The following PLPPR1 variants were observed in gnomAD, a reference collection of about 807,000 sequenced individuals.
PLPPR1 encodes phospholipid phosphatase-related protein type 1.
In PLPPR1, 10 loss-of-function variants were observed where a neutral mutation model predicts 33.1. The observed-to-expected ratio is 0.30, with a 90% CI of 0.19 to 0.51. The LOEUF is 0.51. Ranked by LOEUF, PLPPR1 falls within the 20% of genes least tolerant of loss-of-function variation. The pLI, the probability that PLPPR1 is intolerant of heterozygous loss-of-function variation, is 0.97. For missense variants in PLPPR1, 304 were observed against 408.1 expected, an observed-to-expected ratio of 0.74 and a Z score of 2.20; for synonymous variants, 151 against 151.0, an observed-to-expected ratio of 1.00 and a Z score of 0.00.
chr9:101,047,845 A>G (rs551566799), intron 1 of PLPPR1, among the ~76,000 whole-genome samples: 1 of 152,188 alleles, frequency 6.6e-6, no homozygotes, highest in African/African-American at 2.4e-5. Flanking sequence ...CAGCCCTTCA[A>G]TTTTGTTTTC....
intron 1 of PLPPR1, among the ~76,000 whole-genome samples, chr9:101,178,384 C>A (rs1334043344): frequency 6.6e-6 from 1 of 152,146 alleles, no homozygotes; most frequent in East Asian, 1.9e-4. Flanking sequence ...TTATATTGGA[C>A]CTCTTCCATC....
intron 4 of PLPPR1, among the ~76,000 whole-genome samples, chr9:101,302,196 A>G (rs1306196192): frequency 6.6e-6 from 1 of 152,212 alleles, no homozygotes; most frequent in East Asian, 1.9e-4. Context: ...CATGGTGAGC[A>G]TTAGGTGAAC....
chr9:101,160,703 T>G (rs1289965964), intron 1 of PLPPR1, among the ~76,000 whole-genome samples: 1 of 152,126 alleles, frequency 6.6e-6, no homozygotes, highest in Non-Finnish European at 1.5e-5. Context: ...ACTTATAATC[T>G]AATTAGCCAT....
At chr9:101,304,651 CCTATGCATGCT>C (rs1400465551) in intron 4 of PLPPR1, among the ~76,000 whole-genome samples, 13 of 152,180 alleles carry the variant, frequency 8.5e-5, no homozygotes, top group African/African-American at 3.1e-4. Context: ...TGGGGCAAGA[CCTATGCATGCT>C]CTATTCATCA....
At chr9:101,312,102 T>C (rs1451763878) in intron 5 of PLPPR1, among the ~76,000 whole-genome samples, 2 of 151,534 alleles carry the variant, frequency 1.3e-5, no homozygotes, top group East Asian at 3.8e-4. Flanking sequence ...ACCTTTTGTA[T>C]CTTGTGGAAC....
intron 2 of PLPPR1, among the ~76,000 whole-genome samples, chr9:101,238,271 A>G (rs916780856): frequency 7.4e-6 from 1 of 135,988 alleles, no homozygotes; most frequent in South Asian, 2.3e-4. Flanking sequence ...TACACCCTAT[A>G]TATACATCCT....
chr9:101,056,969 A>G (rs1210033745), intron 1 of PLPPR1, among the ~76,000 whole-genome samples: 1 of 152,080 alleles, frequency 6.6e-6, no homozygotes, highest in Non-Finnish European at 1.5e-5. Context: ...CAGGCTACTC[A>G]TTACTCAACC....
intron 1 of PLPPR1, among the ~76,000 whole-genome samples, chr9:101,073,016 C>T (rs138381322): frequency 1.3e-5 from 2 of 152,252 alleles, no homozygotes; most frequent in South Asian, 2.1e-4. Flanking sequence ...AATACACAAA[C>T]TCATATAACT....
intron 2 of PLPPR1, among the ~76,000 whole-genome samples, chr9:101,267,196 T>G (rs773744465): frequency 1.3e-5 from 2 of 152,200 alleles, no homozygotes; most frequent in Non-Finnish European, 2.9e-5. Flanking sequence ...CTGGCTATGT[T>G]CCTTGCCATC....
chr9:101,228,432 A>G (rs1827115876), intron 2 of PLPPR1, among the ~76,000 whole-genome samples: 1 of 152,166 alleles, frequency 6.6e-6, no homozygotes, highest in African/African-American at 2.4e-5. Context: ...CTGTTAATGG[A>G]TGTGATACCT....
chr9:101,094,662 T>C (rs1197701406), intron 1 of PLPPR1, among the ~76,000 whole-genome samples: 1 of 152,212 alleles, frequency 6.6e-6, no homozygotes, highest in Non-Finnish European at 1.5e-5. Flanking sequence ...TATATGGTCG[T>C]TAGTCTATGT....
At chr9:101,111,139 C>T (rs1329083) in intron 1 of PLPPR1, among the ~76,000 whole-genome samples, 9,824 of 151,994 alleles carry the variant, frequency 0.065, 572 homozygotes, top group African/African-American at 0.15. Context: ...ACATGACTAG[C>T]GGTGGGGTAA....
At chr9:101,234,818 T>C (rs1434439115) in intron 2 of PLPPR1, among the ~76,000 whole-genome samples, 1 of 151,966 alleles carries the variant, frequency 6.6e-6, no homozygotes, top group Non-Finnish European at 1.5e-5. Flanking sequence ...TAGTCTGCCT[T>C]CTTATTCTCC....
chr9:101,135,231 A>T (rs1831364225), intron 1 of PLPPR1, among the ~76,000 whole-genome samples: 1 of 152,134 alleles, frequency 6.6e-6, no homozygotes, highest in African/African-American at 2.4e-5. Flanking sequence ...TATTCCCTAA[A>T]GCGAAAAAAG....
intron 2 of PLPPR1, among the ~76,000 whole-genome samples, chr9:101,252,430 T>A (rs1293480897): frequency 6.6e-6 from 1 of 152,088 alleles, no homozygotes; most frequent in Non-Finnish European, 1.5e-5. Context: ...CCACAAGGAG[T>A]TTGACCGAAG....
intron 4 of PLPPR1, among the ~76,000 whole-genome samples, chr9:101,288,357 G>A (rs1168709275): frequency 6.6e-6 from 1 of 152,130 alleles, no homozygotes; most frequent in Non-Finnish European, 1.5e-5. Context: ...GTCCGTTTGG[G>A]TCTGTCATAA....
At chr9:101,102,760 C>T in intron 1 of PLPPR1, among the ~76,000 whole-genome samples, 4 of 104,404 alleles carry the variant, frequency 3.8e-5, no homozygotes, top group African/African-American at 1.7e-4. Flanking sequence ...ACAGTCCCAC[C>T]AACAGTGTAA....
At chr9:101,045,099 A>G (rs1830128701) in intron 1 of PLPPR1, among the ~76,000 whole-genome samples, 1 of 152,196 alleles carries the variant, frequency 6.6e-6, no homozygotes, top group Non-Finnish European at 1.5e-5. Flanking sequence ...GACTACCTAG[A>G]TTAGAAGCAC....
At chr9:101,188,176 T>A (rs994074972) in intron 2 of PLPPR1, 2 of 152,102 alleles carry the variant, frequency 1.3e-5, no homozygotes, top group Non-Finnish European at 2.9e-5. Flanking sequence ...GTTTGCTTAA[T>A]ATGCTTTTTC....
Sources: allele counts gnomAD v4.1 joint callset (sites outside exome capture counted in the v4.1 genomes callset), GRCh38; gene constraint gnomAD v4.1.1; transcripts MANE v1.5; gene names NCBI Gene and HGNC (gene_info 2026-07-23, HGNC 2026-07-21).